VSX1: variants seen among roughly 807,000 people sequenced by gnomAD.
VSX1 encodes the protein homeodomain protein RINX.
In VSX1, 23 loss-of-function variants were observed where a neutral mutation model predicts 23.6. The ratio of observed to expected loss-of-function variants is 0.97; its 90% CI spans 0.70 to 1.38. The LOEUF (loss-of-function observed/expected upper bound fraction) is 1.38. Among genes scored for constraint, VSX1 ranks in the 40% most tolerant of loss-of-function variants. The probability of loss-of-function intolerance (pLI) is 0.00; values close to 1 mark genes in which losing one functional copy is unlikely to be tolerated. For synonymous variants in VSX1, 247 were observed against 215.1 expected (o/e 1.15, Z -1.30); for missense variants, 517 against 495.4 (o/e 1.04, Z -0.41).
chr20:25,076,481 C>T lies in VSX1; in HGVS notation c.878G>A (p.Gly293Asp), dbSNP rs1278440215. 2 of 1,614,102 alleles carry T rather than the reference C, an allele frequency of 1.2e-6. No individual in the cohort carries two copies. Among genetic ancestry groups the T allele is most frequent in the African/African-American group, 1.3e-5 (1 of 75,020 alleles). ...GSEDKLAGLW[G>D]SDHFKEGSSQ... is the part of the protein sequence containing the mutation. ...AGAACCTTCTTTGAAGTGGTCAGAG[C>T]CCCAGAGTCCTGCCAACTTATCTTC... Residue 293 changes from glycine (G) to aspartate (D), a missense_variant, in exon 5 of 5, where the codon GGC (glycine) becomes GAC (aspartate). Transcript: ENST00000376709.
rs761561448 is a variant in VSX1, at chr20:25,076,405, C to A, written c.954G>T (p.Glu318Asp). The A allele has an allele frequency of 6.2e-7, 1 of 1,614,122 alleles. No homozygotes were observed. Among genetic ancestry groups the A allele is most frequent in the East Asian group, 2.2e-5 (1 of 44,850 alleles). The change falls in exon 5 of 5, where the codon GAG becomes GAT. Residue 318 changes from glutamate (E) to aspartate (D), a missense_variant. By Grantham distance (45) the Glu-to-Asp change is conservative. Transcript: ENST00000376709. ...CAATAGCCACATCTTCCAAGCCATTCTCAGGGCTCACTTTATCTGAGCCTC... is the reference window on the plus strand; with the variant it reads ...CAATAGCCACATCTTCCAAGCCATTATCAGGGCTCACTTTATCTGAGCCTC... ...SQRGSDKVSPENGLEDVAIDL... is the reference protein window; with the variant it reads ...SQRGSDKVSPDNGLEDVAIDL...
intron 4 of VSX1, among the ~76,000 whole-genome samples, chr20:25,077,068 G>A (rs990703270): frequency 1.3e-5 from 2 of 152,178 alleles, no homozygotes; most frequent in African/African-American, 4.8e-5. Flanking sequence ...CCCCGTGCCC[G>A]GAGGTACTCA....
rs200103903 is a variant in VSX1 at position 25,078,904 on chromosome 20, G to A, written c.552C>T (p.Ser184=). 19 of 1,614,056 alleles carry A rather than the reference G, an allele frequency of 1.2e-5. No homozygotes were observed. The highest frequency in any genetic ancestry group is 1.1e-4 in the East Asian group (5 of 44,896). The part of the protein sequence containing the change: ...HQLEELEKAF[S]EAHYPDVYAR... ...CATACACATCAGGGTAGTGGGCCTC[G>A]CTGAATGCCTTCTCCAACTCTTCCA... The change falls in exon 3 of 5, where the codon AGC becomes AGT. Residue 184 remains serine (S), a synonymous_variant. Transcript: ENST00000376709.
At chr20:25,078,405 TGTGA>T (rs2089556931) in intron 3 of VSX1, 1 of 495,206 alleles carries the variant, frequency 2.0e-6, no homozygotes, top group Non-Finnish European at 2.9e-6. Flanking sequence ...TATGTATGCA[TGTGA>T]GTGTGTGTAT....
downstream of VSX1, chr20:25,072,458 C>T (rs749369001): frequency 1.1e-5 from 5 of 457,878 alleles, no homozygotes; most frequent in African/African-American, 2.0e-5. Flanking sequence ...GTCCATTTGT[C>T]CCCCCAGGCC....
downstream of VSX1, chr20:25,071,112 C>A (rs990210395): frequency 4.4e-6 from 2 of 454,082 alleles, no homozygotes; most frequent in Admixed American, 4.7e-5. Context: ...ACGACCACAG[C>A]TGGTGACTTA....
rs1021918015 is a variant in VSX1 at position 25,075,580 on chromosome 20, G to A, written c.*681C>T. On this transcript the variant is annotated 3_prime_UTR_variant, in exon 5 of 5. Coordinates refer to ENST00000376709, the MANE Select transcript of VSX1 (RefSeq NM_014588.6). ...GTGCTTTCAATCACAAATTTTGAAA[G>A]ACCAAAAGCCTGGTCTGACCTAAAA... 9 of 152,484 alleles carry A rather than the reference G, an allele frequency of 5.9e-5. No homozygotes were observed. Among genetic ancestry groups the A allele is most frequent in the Admixed American group, 3.9e-4 (6 of 15,284 alleles). The allele number at this position is 152,484 out of a possible 1,614,324, so 9.4% of individuals were successfully genotyped here.
At chr20:25,073,018 T>A (rs1360020366), downstream of VSX1, among the ~76,000 whole-genome samples, 1 of 152,216 alleles carries the variant, frequency 6.6e-6, no homozygotes. Flanking sequence ...GATTCCAATC[T>A]GACGTGCTGG....
chr20:25,081,465 C>G (rs2089640155), intron 1 of VSX1: 1 of 849,426 alleles, frequency 1.2e-6, no homozygotes, highest in Admixed American at 1.7e-5. Flanking sequence ...GAACAGGACC[C>G]CGGATGAGAG....
At chr20:25,079,302 G>T in intron 2 of VSX1, 134 bp downstream of exon 2, 1 of 861,652 alleles carries the variant, frequency 1.2e-6, no homozygotes, top group Non-Finnish European at 1.8e-6. Context: ...TGGCTTCTGT[G>T]CCCTTCCCAT....
At chr20:25,081,371 T>G (rs745681337) in intron 1 of VSX1, 81 of 676,928 alleles carry the variant, frequency 1.2e-4, no homozygotes, top group Non-Finnish European at 1.7e-4. Context: ...AAAATGGCCC[T>G]CTGGAGATGG....
At chr20:25,074,401 T>A (rs976260372), downstream of VSX1, among the ~76,000 whole-genome samples, 1 of 152,238 alleles carries the variant, frequency 6.6e-6, no homozygotes, top group Admixed American at 6.5e-5. Context: ...GTTCCTTATG[T>A]TAAGAAAGCA....
At chr20:25,080,430 G>A (rs1449100209) in intron 1 of VSX1, among the ~76,000 whole-genome samples, 1 of 152,184 alleles carries the variant, frequency 6.6e-6, no homozygotes, top group East Asian at 1.9e-4. Flanking sequence ...AAGACATGCT[G>A]TAAACATAAA....
intron 4 of VSX1, 59 bp from the exon 5 acceptor site, chr20:25,076,609 A>T: frequency 1.3e-6 from 2 of 1,529,784 alleles, no homozygotes. Flanking sequence ...TTCAGCAATG[A>T]AGTAAATTTC....
rs201363715 is a variant in VSX1, at chr20:25,078,976, G to A, written c.504-24C>T. The A allele has an allele frequency of 3.3e-3, 5,350 of 1,612,880 alleles. 198 individuals are homozygous for A. In the South Asian group the frequency reaches 0.054, roughly 16 times the overall value. ...TCCTGCAAGGACCCCAAAACACACA[G>A]GTGGGCACATGTCCCCTGGGGACAG... On this transcript the variant is annotated intron_variant, in intron 2 of 4. Transcript: ENST00000376709.
downstream of VSX1, chr20:25,071,924 G>A: frequency 1.5e-6 from 1 of 680,254 alleles, no homozygotes; most frequent in Non-Finnish European, 2.7e-6. Context: ...ACAGGGTTCA[G>A]CTGAAGGTCA....
intron 3 of VSX1, chr20:25,078,455 CA>C (rs1428914889): frequency 3.0e-6 from 3 of 984,502 alleles, no homozygotes; most frequent in Non-Finnish European, 4.0e-6. Flanking sequence ...CATACATATT[CA>C]GGGGCAGATA....
intron 1 of VSX1, among the ~76,000 whole-genome samples, chr20:25,081,239 T>C (rs61304082): frequency 0.29 from 44,320 of 152,058 alleles, 7,390 homozygotes; most frequent in African/African-American, 0.44. Context: ...AATCATTCGA[T>C]CATTTCCGCC....
At position 25,076,458 on chromosome 20, in the gene VSX1, A is replaced by C. The variant is rs778689146; in HGVS notation, c.901T>G (p.Ser301Ala). 8 of 1,614,026 alleles carry C rather than the reference A, an allele frequency of 5.0e-6. No individual in the cohort carries two copies. In the Admixed American group the frequency reaches 1.2e-4, roughly 24 times the overall value. The change falls in exon 5 of 5, where the codon TCT becomes GCT. Residue 301 changes from serine to alanine, a missense_variant. Coordinates refer to ENST00000376709, the MANE Select transcript of VSX1 (RefSeq NM_014588.6). ...TGTGATCCTGACTCACTCTGGCTAG[A>C]ACCTTCTTTGAAGTGGTCAGAGCCC... is the stretch of plus-strand genomic sequence containing the variant. Reference protein sequence around the residue: ...LWGSDHFKEGSSQSESGSQRG... With the variant: ...LWGSDHFKEGASQSESGSQRG...
Sources: allele counts gnomAD v4.1 joint callset (sites outside exome capture counted in the v4.1 genomes callset), GRCh38; gene constraint gnomAD v4.1.1; transcripts MANE v1.5; gene names NCBI Gene and HGNC (gene_info 2026-07-23, HGNC 2026-07-21).